The following TENM2 variants were observed in gnomAD, a reference collection of about 807,000 sequenced individuals.
TENM2 encodes the protein teneurin transmembrane protein 2.
Under a neutral mutation model 245.2 loss-of-function variants are expected in TENM2, and 52 were observed. That is an observed-to-expected ratio of 0.21 (90% confidence interval 0.17 to 0.27). The LOEUF (loss-of-function observed/expected upper bound fraction) is 0.27, where lower values mean the gene tolerates loss of function less well. Ranked by LOEUF, TENM2 falls within the 10% of genes least tolerant of loss-of-function variation. The probability of loss-of-function intolerance (pLI) is 1.00; values close to 1 mark genes in which losing one functional copy is unlikely to be tolerated. For missense variants in TENM2, 3,046 were observed against 3,666.8 expected (o/e 0.83, Z 4.37); for synonymous variants, 1,363 against 1,438.9 (o/e 0.95, Z 1.19).
chr5:167,440,963 C>G (rs1406619578), intron 2 of TENM2, among the ~76,000 whole-genome samples: 1 of 152,106 alleles, frequency 6.6e-6, no homozygotes, highest in Admixed American at 6.6e-5. Context: ...TTTTCCTGAC[C>G]AGCATATGGA....
intron 1 of TENM2, among the ~76,000 whole-genome samples, chr5:167,313,567 A>T (rs1756173209): frequency 6.6e-6 from 1 of 152,110 alleles, no homozygotes; most frequent in Non-Finnish European, 1.5e-5. Context: ...AACCAGGGAG[A>T]TGGACCAAAT....
At chr5:167,640,443 C>A (rs542397309) in intron 2 of TENM2, among the ~76,000 whole-genome samples, 27 of 152,038 alleles carry the variant, frequency 1.8e-4, no homozygotes, top group African/African-American at 6.5e-4. Flanking sequence ...CATGGCAAAA[C>A]CCTGCCTCTA....
At position 168,197,982 on chromosome 5, in the gene TENM2, T is replaced by C. The variant is rs1199206761; in HGVS notation, c.2901-871T>C. Among the ~76,000 whole-genome samples, 4 of 152,290 alleles carry C rather than the reference T, an allele frequency of 2.6e-5. No individual in the cohort carries two copies. The East Asian group carries it at 5.8e-4, about 22-fold the overall frequency. On this transcript the variant is annotated intron_variant, in intron 15 of 28. Transcript: ENST00000518659. Reference sequence around the variant, plus strand: ...ACGTAGTATCGTTATAATTACACTATTTATTGAACATTCTATTAGCCTAGG... The same window carrying C: ...ACGTAGTATCGTTATAATTACACTACTTATTGAACATTCTATTAGCCTAGG...
At chr5:167,931,551 G>GAAAAAAAAA in intron 3 of TENM2, among the ~76,000 whole-genome samples, 1 of 110,334 alleles carries the variant, frequency 9.1e-6, no homozygotes, top group Non-Finnish European at 1.8e-5. Context: ...AAACCCATTG[G>GAAAAAAAAA]AAAAAAAAAA....
intron 2 of TENM2, among the ~76,000 whole-genome samples, chr5:167,610,579 A>T (rs1777411149): frequency 6.6e-6 from 1 of 152,150 alleles, no homozygotes; most frequent in African/African-American, 2.4e-5. Context: ...GAAAGCAAAT[A>T]TATATTACTT....
At position 167,435,418 on chromosome 5, in the gene TENM2, A is replaced by G. The variant is rs942090753; in HGVS notation, c.502+59945A>G. Reference sequence around the variant, plus strand: ...GAGAAACCCGTTTTGCTTGACTCTCATTCTCTCTATTGCCTGCTGCGATGT... The same window carrying G: ...GAGAAACCCGTTTTGCTTGACTCTCGTTCTCTCTATTGCCTGCTGCGATGT... On this transcript the variant is annotated intron_variant, in intron 2 of 28. Coordinates refer to ENST00000518659, the Ensembl canonical transcript of TENM2. Among the ~76,000 whole-genome samples the G allele has an allele frequency of 5.3e-5, 8 of 152,222 alleles. No individual in the cohort carries two copies. In the South Asian group the frequency reaches 1.0e-3, roughly 20 times the overall value.
At chr5:168,071,160 T>G (rs1223514846) in intron 7 of TENM2, among the ~76,000 whole-genome samples, 1 of 152,194 alleles carries the variant, frequency 6.6e-6, no homozygotes, top group African/African-American at 2.4e-5. Context: ...TGTGCCTCAG[T>G]TACCTCATCT....
the TENM2 span, among the ~76,000 whole-genome samples, chr5:167,059,042 A>G: frequency 7.2e-4 from 109 of 152,204 alleles, no homozygotes; most frequent in Non-Finnish European, 3.2e-4. Flanking sequence ...TAGGGGAACC[A>G]TGAAAATATT....
Position 167,986,189 on chromosome 5 carries a change from G to A in TENM2, c.948-6755G>A, listed in dbSNP as rs1030838164. ...CTGAAATCCATGTCTTTGCTGTCAC[G>A]TAAAGGATACAGGAGAATGGCTGTT... On this transcript the variant is annotated intron_variant, in intron 4 of 28. Coordinates refer to ENST00000518659, the Ensembl canonical transcript of TENM2. Among the ~76,000 whole-genome samples, 6 of 152,182 alleles carry A rather than the reference G, an allele frequency of 3.9e-5. No homozygotes were observed. In the South Asian group the frequency reaches 6.2e-4, roughly 16 times the overall value.
At chr5:167,074,042 A>T in the TENM2 span, among the ~76,000 whole-genome samples, 2 of 152,138 alleles carry the variant, frequency 1.3e-5, no homozygotes, top group African/African-American at 4.8e-5. Context: ...TTACAGATCA[A>T]ATTCTGCCAA....
At position 167,983,382 on chromosome 5, in the gene TENM2, G is replaced by A. The variant is rs536291387; in HGVS notation, c.948-9562G>A. On this transcript the variant is annotated intron_variant, in intron 4 of 28. Coordinates refer to ENST00000518659, the Ensembl canonical transcript of TENM2. ...TGACACTATTTAAATATCAAGAGTC[G>A]AAGCTTCTATTTAGAAAACGGAAGG... Among the ~76,000 whole-genome samples the A allele has an allele frequency of 5.3e-5, 8 of 152,222 alleles. No homozygotes were observed. The East Asian group carries it at 5.8e-4, about 11-fold the overall frequency.
chr5:168,263,124 C>T (rs761312217), downstream of TENM2: 36 of 273,100 alleles, frequency 1.3e-4, no homozygotes, highest in Non-Finnish European at 2.2e-4. Context: ...AGAAAAGAGA[C>T]GCAAAGTGTC....
Position 167,698,265 on chromosome 5 carries a change from T to C in TENM2, c.503-177721T>C, listed in dbSNP as rs76772911. ...AAGTACTGCATCTCTTTCTGTAAGA[T>C]GATGGCTTCAGATCACCTTCTCATT... On this transcript the variant is annotated intron_variant, in intron 2 of 28. Coordinates refer to ENST00000518659, the Ensembl canonical transcript of TENM2. Among the ~76,000 whole-genome samples the C allele has an allele frequency of 4.0e-4, 61 of 152,368 alleles. 1 individual carries two copies. The East Asian group carries it at 0.01, about 26-fold the overall frequency.
chr5:167,811,403 A>G (rs1766627246), intron 2 of TENM2, among the ~76,000 whole-genome samples: 1 of 151,790 alleles, frequency 6.6e-6, no homozygotes, highest in South Asian at 2.1e-4. Context: ...CTTGCTCCTG[A>G]CCCCACCATG....
intron 13 of TENM2, among the ~76,000 whole-genome samples, chr5:168,168,181 G>A (rs536296905): frequency 2.6e-5 from 4 of 152,162 alleles, no homozygotes; most frequent in East Asian, 1.9e-4. Context: ...CTTTTACCAC[G>A]CACCCCAGAG....
intron 7 of TENM2, among the ~76,000 whole-genome samples, chr5:168,065,892 G>A (rs1183945547): frequency 2.0e-5 from 3 of 150,482 alleles, no homozygotes; most frequent in African/African-American, 7.3e-5. Flanking sequence ...ACCATTAGTG[G>A]CTTTCAAACA....
intron 3 of TENM2, among the ~76,000 whole-genome samples, chr5:167,886,030 T>G (rs1774261369): frequency 1.3e-5 from 2 of 152,222 alleles, no homozygotes; most frequent in South Asian, 4.1e-4. Context: ...CTGGCTCCCC[T>G]TGTGTGTCTT....
intron 2 of TENM2, among the ~76,000 whole-genome samples, chr5:167,620,702 C>T (rs1484224021): frequency 6.6e-6 from 1 of 151,982 alleles, no homozygotes; most frequent in Non-Finnish European, 1.5e-5. Context: ...CAATCCTCTC[C>T]TCTTTCAATG....
the TENM2 span, among the ~76,000 whole-genome samples, chr5:166,980,130 A>G: frequency 1.3e-5 from 2 of 152,186 alleles, no homozygotes; most frequent in South Asian, 4.1e-4. Flanking sequence ...ACCACTACCC[A>G]TGTTGCTTGC....
Sources: allele counts gnomAD v4.1 joint callset (sites outside exome capture counted in the v4.1 genomes callset), GRCh38; gene constraint gnomAD v4.1.1; transcripts MANE v1.5; gene names NCBI Gene and HGNC (gene_info 2026-07-23, HGNC 2026-07-21).